BEND7: variants seen among roughly 807,000 people sequenced by gnomAD.
BEND7 encodes the protein BEN domain containing 7, also known as BEN domain-containing protein 7.
BEND7 carries 28 observed loss-of-function variants against 50.9 expected under a neutral mutation model. That is an observed-to-expected ratio of 0.55 (90% confidence interval 0.41 to 0.75). BEND7 has a LOEUF of 0.75. Ranked by LOEUF, BEND7 falls within the 30% of genes least tolerant of loss-of-function variation. The pLI, the probability that BEND7 is intolerant of heterozygous loss-of-function variation, is 0.00. For synonymous variants in BEND7, 170 were observed against 183.9 expected (o/e 0.92, Z 0.61); for missense variants, 477 against 491.3 (o/e 0.97, Z 0.28).
At chr10:13,519,426 A>T (rs1185670468) in intron 2 of BEND7, among the ~76,000 whole-genome samples, 2 of 151,998 alleles carry the variant, frequency 1.3e-5, no homozygotes, top group East Asian at 1.9e-4. Context: ...CAGTGAGCCG[A>T]GATGGCGCCA....
chr10:13,466,707 T>C (rs75229061), intron 6 of BEND7, among the ~76,000 whole-genome samples: 4,886 of 152,276 alleles, frequency 0.032, 225 homozygotes, highest in African/African-American at 0.1. Context: ...TCAGAGGCCT[T>C]AGGCAAGTGG....
intron 7 of BEND7, among the ~76,000 whole-genome samples, chr10:13,447,607 G>A (rs552851236): frequency 2.9e-5 from 4 of 139,070 alleles, no homozygotes; most frequent in Non-Finnish European, 6.0e-5. Flanking sequence ...GCAGTGGCGC[G>A]ATCTCGGCTC....
chr10:13,492,000 G>C (rs1393667158), intron 5 of BEND7, among the ~76,000 whole-genome samples: 1 of 151,664 alleles, frequency 6.6e-6, no homozygotes, highest in Admixed American at 6.6e-5. Flanking sequence ...ATGGTCCTAT[G>C]AATGTAAAAT....
Position 13,450,719 on chromosome 10 carries a change from C to T in BEND7, c.1183+1820G>A, listed in dbSNP as rs139727037. Among the ~76,000 whole-genome samples, 780 of 151,740 alleles carry T rather than the reference C, an allele frequency of 5.1e-3. 3 individuals are homozygous for T. Among genetic ancestry groups the T allele is most frequent in the Non-Finnish European group, 7.9e-3 (534 of 67,968 alleles). On this transcript the variant is annotated intron_variant, in intron 7 of 8. Coordinates refer to ENST00000466271, the MANE Select transcript of BEND7 (RefSeq NM_001369863.1). ...GGTCAAAAGTTACAATGTCCAACAT[C>T]AAATATTCTGATGTCTAAGGGGCAG... is the stretch of plus-strand genomic sequence containing the variant.
At chr10:13,445,681 T>C (rs1836169582) in intron 8 of BEND7, 1 of 152,254 alleles carries the variant, frequency 6.6e-6, no homozygotes, top group Non-Finnish European at 1.5e-5. Flanking sequence ...TAGCACCCTC[T>C]GACCTCAGTT....
At chr10:13,482,000 A>G (rs1221963974) in intron 5 of BEND7, among the ~76,000 whole-genome samples, 1 of 152,222 alleles carries the variant, frequency 6.6e-6, no homozygotes, top group Non-Finnish European at 1.5e-5. Flanking sequence ...TCCTTTACAA[A>G]GCCTTCCAAA....
In BEND7 at chr10:13,498,977, T is replaced by C. The variant is rs545030334; in HGVS notation, c.448+801A>G. ...AAGGATATTGTGAAATGAAAATGAATGGAAAAAAATCCTTAACTTCTTAAG... is the reference window on the plus strand; with the variant it reads ...AAGGATATTGTGAAATGAAAATGAACGGAAAAAAATCCTTAACTTCTTAAG... On this transcript the variant is annotated intron_variant, in intron 3 of 8. Transcript: ENST00000466271. Among the ~76,000 whole-genome samples, 85 of 152,332 alleles carry C rather than the reference T, an allele frequency of 5.6e-4. 1 individual carries two copies. Among genetic ancestry groups the C allele is most frequent in the African/African-American group, 2.0e-3 (83 of 41,588 alleles).
intron 6 of BEND7, among the ~76,000 whole-genome samples, chr10:13,462,824 T>C (rs1027172303): frequency 6.6e-6 from 1 of 152,000 alleles, no homozygotes; most frequent in African/African-American, 2.4e-5. Context: ...TCAAGTATAT[T>C]AAGAAAAATA....
chr10:13,447,678 G>C (rs1021459698), intron 7 of BEND7, among the ~76,000 whole-genome samples: 3 of 151,714 alleles, frequency 2.0e-5, no homozygotes, highest in Admixed American at 2.0e-4. Context: ...CGAGTAGCTG[G>C]GACTACAGGC....
At chr10:13,493,398 C>T (rs7921105) in intron 4 of BEND7, among the ~76,000 whole-genome samples, 80,319 of 151,984 alleles carry the variant, frequency 0.53, 21,576 homozygotes, top group Non-Finnish European at 0.57. Flanking sequence ...GATGATTCTA[C>T]ATTAGGGACC....
downstream of BEND7, chr10:13,439,290 T>C: frequency 6.2e-7 from 1 of 1,614,216 alleles, no homozygotes; most frequent in Non-Finnish European, 8.5e-7. Context: ...GAGGAATGAA[T>C]GGTGCTTGAA....
At chr10:13,458,334 C>G (rs554893809) in intron 6 of BEND7, among the ~76,000 whole-genome samples, 1 of 152,202 alleles carries the variant, frequency 6.6e-6, no homozygotes, top group Non-Finnish European at 1.5e-5. Flanking sequence ...GCAAACAAGG[C>G]GGACTGGCCA....
chr10:13,493,111 G>C (rs997240080), intron 4 of BEND7, among the ~76,000 whole-genome samples: 1 of 152,342 alleles, frequency 6.6e-6, no homozygotes, highest in South Asian at 2.1e-4. Context: ...CAGGTGAATC[G>C]TGACAGCATA....
intron 5 of BEND7, among the ~76,000 whole-genome samples, chr10:13,489,091 T>A (rs2076463854): frequency 1.3e-5 from 2 of 152,180 alleles, no homozygotes; most frequent in Admixed American, 1.3e-4. Context: ...TTGTTCTAAG[T>A]GCTCCACAGG....
chr10:13,444,072 T>C (rs1835778078), intron 8 of BEND7: 1 of 152,216 alleles, frequency 6.6e-6, no homozygotes, highest in African/African-American at 2.4e-5. Flanking sequence ...TATACTTTTT[T>C]TTTTAATGCA....
At chr10:13,522,961 C>T (rs1367003855) in intron 2 of BEND7, among the ~76,000 whole-genome samples, 2 of 152,016 alleles carry the variant, frequency 1.3e-5, no homozygotes, top group African/African-American at 4.8e-5. Context: ...TGCTGCCTTG[C>T]ACACAGTTAA....
intron 6 of BEND7, among the ~76,000 whole-genome samples, chr10:13,473,938 A>C: frequency 6.6e-6 from 1 of 150,644 alleles, no homozygotes; most frequent in East Asian, 2.0e-4. Flanking sequence ...ACTCAGGGCC[A>C]ATATTGTCAT....
At chr10:13,447,892 A>G (rs909361498) in intron 7 of BEND7, among the ~76,000 whole-genome samples, 5 of 152,112 alleles carry the variant, frequency 3.3e-5, no homozygotes, top group African/African-American at 7.2e-5. Context: ...ATGTGGGGTG[A>G]ATTGTTTAAA....
At chr10:13,442,454 TAGAG>T (rs1835470532) in intron 8 of BEND7, 3 of 152,196 alleles carry the variant, frequency 2.0e-5, no homozygotes, top group African/African-American at 7.2e-5. Flanking sequence ...ACCATCTTAT[TAGAG>T]AAAGAAATCT....
Sources: gnomAD v4.1 joint callset for allele counts (sites outside exome capture counted in the v4.1 genomes callset) on GRCh38, gnomAD v4.1.1 for gene constraint, MANE v1.5 for transcripts, NCBI Gene and HGNC (gene_info 2026-07-23, HGNC 2026-07-21) for gene names.